The following RSPH14 variants were observed in gnomAD, a reference collection of about 807,000 sequenced individuals.
RSPH14 encodes the protein rhabdoid tumor deletion region gene 1.
RSPH14 carries 20 observed loss-of-function variants against 26.7 expected under a neutral mutation model. The ratio of observed to expected loss-of-function variants is 0.75; its 90% CI spans 0.53 to 1.09. The LOEUF is 1.09. Ranked by LOEUF, RSPH14 falls within the 50% of genes least tolerant of loss-of-function variation. The pLI is 0.00. For missense variants in RSPH14, 449 were observed against 457.2 expected, an observed-to-expected ratio of 0.98 and a Z score of 0.16; for synonymous variants, 177 against 189.3, an observed-to-expected ratio of 0.93 and a Z score of 0.53.
the RSPH14 span, chr22:23,180,584 GCGGCGGCA>G: frequency 0.085 from 3,685 of 43,202 alleles, 56 homozygotes; most frequent in African/African-American, 0.37. Flanking sequence ...GGCGGCGGCG[GCGGCGGCA>G]CGGCGGCGGC....
chr22:23,161,060 G>A, the RSPH14 span: 2,985 of 1,535,612 alleles, frequency 1.9e-3, 51 homozygotes, highest in African/African-American at 0.036. Context: ...ATCCACATGC[G>A]CCATCCTCGT....
At chr22:23,117,771 G>C (rs533710549) in intron 4 of RSPH14, among the ~76,000 whole-genome samples, 1 of 152,362 alleles carries the variant, frequency 6.6e-6, no homozygotes, top group South Asian at 2.1e-4. Flanking sequence ...CCAAGGTGCA[G>C]CATGCACCGG....
chr22:23,105,251 G>T (rs2069430687), intron 4 of RSPH14, among the ~76,000 whole-genome samples: 1 of 152,272 alleles, frequency 6.6e-6, no homozygotes, highest in African/African-American at 2.4e-5. Flanking sequence ...AGCCTCGAAG[G>T]CAACTTGGCT....
chr22:23,090,649 C>G (rs1191424644), intron 4 of RSPH14, among the ~76,000 whole-genome samples: 1 of 152,156 alleles, frequency 6.6e-6, no homozygotes. Flanking sequence ...TCCCTCATCC[C>G]TGATGCCTGC....
chr22:23,076,173 TC>T (rs2068501927), intron 4 of RSPH14, among the ~76,000 whole-genome samples: 1 of 152,198 alleles, frequency 6.6e-6, no homozygotes, highest in African/African-American at 2.4e-5. Context: ...AGCGCCATGT[TC>T]CTGACCATGT....
At chr22:23,156,380 G>A in the RSPH14 span, 241 of 226,244 alleles carry the variant, frequency 1.1e-3, 1 homozygote, top group South Asian at 8.5e-3. Context: ...GGCTTGTCCT[G>A]TCTTAGCAGA....
At chr22:23,178,959 C>T in the RSPH14 span, among the ~76,000 whole-genome samples, 1 of 152,094 alleles carries the variant, frequency 6.6e-6, no homozygotes, top group Non-Finnish European at 1.5e-5. Flanking sequence ...AATTAAAATA[C>T]CCAAACCAGC....
the RSPH14 span, among the ~76,000 whole-genome samples, chr22:23,178,411 G>C: frequency 1.6e-5 from 2 of 127,918 alleles, no homozygotes; most frequent in Non-Finnish European, 3.2e-5. Flanking sequence ...GTGAGACTCC[G>C]TCTCAAAAAA....
the RSPH14 span, among the ~76,000 whole-genome samples, chr22:23,173,639 T>C: frequency 1.3e-5 from 2 of 149,866 alleles, 1 homozygote; most frequent in Non-Finnish European, 3.0e-5. Context: ...GTTTTTTGTT[T>C]TTTTTTTTTA....
chr22:23,061,999 A>G, intron 5 of RSPH14, 54 bp from the exon 6 acceptor site: 2 of 1,606,858 alleles, frequency 1.2e-6, no homozygotes, highest in Non-Finnish European at 8.5e-7. Flanking sequence ...GAAGAGGCGC[A>G]AGGCCCAGGA....
the RSPH14 span, chr22:23,150,160 C>G: frequency 6.2e-7 from 1 of 1,606,066 alleles, no homozygotes; most frequent in Non-Finnish European, 8.5e-7. Context: ...GTCGGGTGAG[C>G]CTGCAGGGTG....
chr22:23,083,260 G>A (rs1325394582), intron 4 of RSPH14, among the ~76,000 whole-genome samples: 3 of 152,092 alleles, frequency 2.0e-5, no homozygotes, highest in Admixed American at 6.5e-5. Context: ...AGTAGGGGAG[G>A]GTAGACCCAG....
chr22:23,158,185 G>C, the RSPH14 span: 12,447 of 1,496,694 alleles, frequency 8.3e-3, 890 homozygotes, highest in African/African-American at 0.15. Context: ...GCTGCCCACG[G>C]ACTACTTACT....
chr22:23,131,721 T>C (rs1450416773), intron 4 of RSPH14: 1 of 957,316 alleles, frequency 1.0e-6, no homozygotes, highest in Non-Finnish European at 1.5e-6. Context: ...AACCCAGCAC[T>C]GGTCCCCCAT....
intron 4 of RSPH14, among the ~76,000 whole-genome samples, chr22:23,070,983 C>G (rs1347956709): frequency 1.3e-5 from 2 of 152,028 alleles, no homozygotes; most frequent in African/African-American, 4.8e-5. Flanking sequence ...GGGGGAGGAT[C>G]AGGGAGGGGC....
At chr22:23,145,260 CCAT>C, upstream of RSPH14, 26 of 1,005,652 alleles carry the variant, frequency 2.6e-5, no homozygotes, top group South Asian at 3.0e-5. Flanking sequence ...CACCGCCCAC[CCAT>C]CCAGCACCGC....
intron 4 of RSPH14, chr22:23,095,408 C>T (rs1205956479): frequency 9.8e-6 from 4 of 406,362 alleles, no homozygotes; most frequent in Non-Finnish European, 1.8e-5. Flanking sequence ...TTCCCACCGT[C>T]GCCGAGGACA....
the RSPH14 span, chr22:23,164,402 C>T: frequency 1.3e-5 from 2 of 152,254 alleles, no homozygotes; most frequent in Non-Finnish European, 2.9e-5. Flanking sequence ...GTTGTGGCCT[C>T]TCGAACTTTG....
the RSPH14 span, among the ~76,000 whole-genome samples, chr22:23,158,617 G>A: frequency 6.6e-6 from 1 of 152,206 alleles, no homozygotes; most frequent in African/African-American, 2.4e-5. Flanking sequence ...TGATAAACAT[G>A]CAGGGCTCAT....
Sources: gnomAD v4.1 joint callset for allele counts (sites outside exome capture counted in the v4.1 genomes callset) on GRCh38, gnomAD v4.1.1 for gene constraint, MANE v1.5 for transcripts, NCBI Gene and HGNC (gene_info 2026-07-23, HGNC 2026-07-21) for gene names.